The following SYN3 variants were observed in gnomAD, a reference collection of about 807,000 sequenced individuals.
The protein encoded by SYN3 is synapsin III.
SYN3 carries 35 observed loss-of-function variants against 65.8 expected under a neutral mutation model. The observed-to-expected ratio is 0.53, with a 90% CI of 0.41 to 0.70. The LOEUF (loss-of-function observed/expected upper bound fraction) is 0.70, where lower values mean the gene tolerates loss of function less well. Among genes scored for constraint, SYN3 ranks in the 30% least tolerant of loss-of-function variants. The pLI, the probability that SYN3 is intolerant of heterozygous loss-of-function variation, is 0.00. For missense variants in SYN3, 680 were observed against 749.0 expected (o/e 0.91, Z 1.08); for synonymous variants, 270 against 292.9 (o/e 0.92, Z 0.80).
chr22:32,553,717 G>A (rs1569031887), intron 7 of SYN3, among the ~76,000 whole-genome samples: 1 of 152,200 alleles, frequency 6.6e-6, no homozygotes, highest in South Asian at 2.1e-4. Flanking sequence ...CCTTTTGGTA[G>A]ATAGGTCTGG....
At position 32,670,515 on chromosome 22, in the gene SYN3, G is replaced by A. The variant is rs1244784875; in HGVS notation, c.712-73779C>T. Among the ~76,000 whole-genome samples the A allele has an allele frequency of 3.9e-5, 6 of 152,310 alleles. No homozygotes were observed. In the East Asian group the frequency reaches 5.8e-4, roughly 15 times the overall value. Reference sequence around the variant, plus strand: ...GAAAAGCTGGAAAGAGGGATCCTCTGCTGTCTTTTAACCCTACTTCTCTAT... The same window carrying A: ...GAAAAGCTGGAAAGAGGGATCCTCTACTGTCTTTTAACCCTACTTCTCTAT... On this transcript the variant is annotated intron_variant, in intron 6 of 13. Transcript: ENST00000358763.
intron 1 of SYN3, among the ~76,000 whole-genome samples, chr22:33,053,424 C>CA (rs960194741): frequency 6.6e-6 from 1 of 151,590 alleles, no homozygotes; most frequent in East Asian, 1.9e-4. Flanking sequence ...GACTCCGTTT[C>CA]AAAAAAAAGG....
chr22:33,037,261 G>A (rs920500566), intron 1 of SYN3, among the ~76,000 whole-genome samples: 3 of 152,076 alleles, frequency 2.0e-5, no homozygotes, highest in South Asian at 4.2e-4. Context: ...GAAAGGTGGC[G>A]TCACTTGCCC....
At chr22:32,716,536 TG>T (rs1464542485) in intron 6 of SYN3, among the ~76,000 whole-genome samples, 4 of 152,044 alleles carry the variant, frequency 2.6e-5, no homozygotes, top group African/African-American at 9.7e-5. Context: ...CTGTTATTTT[TG>T]TTTGTTTTTT....
rs117584916 is a variant in SYN3, at chr22:32,765,641, C to T, written c.711+99274G>A. 5.9e-4 allele frequency among the ~76,000 whole-genome samples: 90 copies of T among 152,134 alleles called. 1 individual carries two copies. In the East Asian group the frequency reaches 0.013, roughly 22 times the overall value. On this transcript the variant is annotated intron_variant, in intron 6 of 13. Coordinates refer to ENST00000358763, the MANE Select transcript of SYN3 (RefSeq NM_003490.4). Reference sequence around the variant, plus strand: ...AAACTACTCCTGGGAGAGCTGGACACGTGAGCGTTAAGAGTTTGGGCATGG... The same window carrying T: ...AAACTACTCCTGGGAGAGCTGGACATGTGAGCGTTAAGAGTTTGGGCATGG...
chr22:32,844,894 T>A (rs943639696), intron 6 of SYN3, among the ~76,000 whole-genome samples: 37 of 152,108 alleles, frequency 2.4e-4, no homozygotes, highest in Middle Eastern at 3.2e-3. Flanking sequence ...TAAATTTTTA[T>A]AATTTTTTAT....
intron 6 of SYN3, among the ~76,000 whole-genome samples, chr22:32,850,664 C>T (rs913987741): frequency 6.6e-6 from 1 of 152,130 alleles, no homozygotes; most frequent in Non-Finnish European, 1.5e-5. Flanking sequence ...GTGGGGTGTG[C>T]TGAGGTCCAC....
intron 6 of SYN3, among the ~76,000 whole-genome samples, chr22:32,658,910 T>C (rs73401347): frequency 0.014 from 2,151 of 152,316 alleles, 55 homozygotes; most frequent in African/African-American, 0.048. Flanking sequence ...CTAACATACA[T>C]TGCGAGCATA....
chr22:32,656,858 G>C (rs1020748073), intron 6 of SYN3, among the ~76,000 whole-genome samples: 10 of 152,130 alleles, frequency 6.6e-5, no homozygotes, highest in Non-Finnish European at 5.9e-5. Context: ...TTTCACTGCA[G>C]GGCATTGTGG....
In SYN3 at chr22:32,511,123, A is replaced by G. The variant is rs2057687020; in HGVS notation, c.*2569T>C. Reference sequence around the variant, plus strand: ...AACAGAATAACTTTAAAAGGTACCCACATCTGATATTTTGAATTTCACCTC... The same window carrying G: ...AACAGAATAACTTTAAAAGGTACCCGCATCTGATATTTTGAATTTCACCTC... On this transcript the variant is annotated 3_prime_UTR_variant, in exon 14 of 14. Coordinates refer to ENST00000358763, the MANE Select transcript of SYN3 (RefSeq NM_003490.4). 6.6e-6 allele frequency among the ~76,000 whole-genome samples: 1 copy of G among 152,014 alleles called. No homozygotes were observed. Among genetic ancestry groups the G allele is most frequent in the Non-Finnish European group, 1.5e-5 (1 of 68,006 alleles).
chr22:32,844,975 T>G (rs62232923), intron 6 of SYN3, among the ~76,000 whole-genome samples: 4,895 of 152,298 alleles, frequency 0.032, 93 homozygotes, highest in Non-Finnish European at 0.047. Context: ...GTGATCCTCC[T>G]GCCTTGGCCT....
At chr22:32,959,670 C>T (rs1460858178) in intron 3 of SYN3, among the ~76,000 whole-genome samples, 1 of 152,036 alleles carries the variant, frequency 6.6e-6, no homozygotes, top group East Asian at 1.9e-4. Context: ...TCACGGCTCA[C>T]TGCTGCCTCG....
intron 6 of SYN3, among the ~76,000 whole-genome samples, chr22:32,857,741 G>C (rs1366267335): frequency 6.6e-6 from 1 of 152,198 alleles, no homozygotes; most frequent in Admixed American, 6.5e-5. Context: ...CATTATAAAG[G>C]GAGTGAAGAG....
At chr22:32,823,705 A>G (rs2047320666) in intron 6 of SYN3, among the ~76,000 whole-genome samples, 1 of 152,066 alleles carries the variant, frequency 6.6e-6, no homozygotes, top group Non-Finnish European at 1.5e-5. Flanking sequence ...CCATGGTGCT[A>G]ATAATAGGCC....
intron 6 of SYN3, among the ~76,000 whole-genome samples, chr22:32,737,326 T>A (rs2061347611): frequency 6.6e-6 from 1 of 152,194 alleles, no homozygotes; most frequent in South Asian, 2.1e-4. Context: ...TCTTTTTTTT[T>A]TAATTATACT....
intron 6 of SYN3, among the ~76,000 whole-genome samples, chr22:32,627,842 G>C (rs2059690926): frequency 8.0e-6 from 1 of 124,434 alleles, no homozygotes; most frequent in Non-Finnish European, 1.5e-5. Flanking sequence ...TTTTGTTTTT[G>C]TTTTGAGACA....
intron 7 of SYN3, among the ~76,000 whole-genome samples, chr22:32,594,969 A>T (rs905649563): frequency 1.3e-5 from 2 of 152,174 alleles, no homozygotes; most frequent in South Asian, 4.1e-4. Context: ...TCTAGGACCC[A>T]CTATGTTGGG....
At chr22:32,739,376 CTTTT>C (rs3070577) in intron 6 of SYN3, among the ~76,000 whole-genome samples, 5 of 138,978 alleles carry the variant, frequency 3.6e-5, no homozygotes, top group South Asian at 4.7e-4. Flanking sequence ...TAAACCCCCC[CTTTT>C]TTTTTTTTTT....
chr22:32,585,199 T>C (rs1363746783), intron 7 of SYN3, among the ~76,000 whole-genome samples: 3 of 152,188 alleles, frequency 2.0e-5, no homozygotes, highest in Admixed American at 2.0e-4. Context: ...ATCCTCCTTC[T>C]CTTTCCTTAT....
Sources: gnomAD v4.1 joint callset for allele counts (sites outside exome capture counted in the v4.1 genomes callset) on GRCh38, gnomAD v4.1.1 for gene constraint, MANE v1.5 for transcripts, NCBI Gene and HGNC (gene_info 2026-07-23, HGNC 2026-07-21) for gene names.